Variants in XPO4 observed in about 807,000 individuals in gnomAD.
XPO4 encodes exportin-4.
XPO4 carries 39 observed loss-of-function variants against 143.0 expected under a neutral mutation model. That is an observed-to-expected ratio of 0.27 (90% CI 0.21 to 0.36). The LOEUF (loss-of-function observed/expected upper bound fraction) is 0.36. XPO4 is among the 10% of genes least tolerant of loss of function. The pLI is 1.00. For synonymous variants in XPO4, 439 were observed against 474.0 expected, an observed-to-expected ratio of 0.93 and a Z score of 0.96; for missense variants, 907 against 1,348.0, an observed-to-expected ratio of 0.67 and a Z score of 5.12.
chr13:20,882,389 A>C (rs2060420133), intron 1 of XPO4, among the ~76,000 whole-genome samples: 1 of 152,144 alleles, frequency 6.6e-6, no homozygotes, highest in Admixed American at 6.5e-5. Flanking sequence ...CCAGCATATC[A>C]TATGGCAAGA....
chr13:20,840,231 A>ACAGGGTCTCTTCTGTCGCC (rs1405610874), intron 6 of XPO4, among the ~76,000 whole-genome samples: 2 of 151,730 alleles, frequency 1.3e-5, no homozygotes. Context: ...TTATTTTGAG[A>ACAGGGTCTCTTCTGTCGCC]CAGGGTCTCT....
chr13:20,867,711 C>T (rs1314712042), intron 2 of XPO4, among the ~76,000 whole-genome samples: 1 of 151,024 alleles, frequency 6.6e-6, no homozygotes, highest in Non-Finnish European at 1.5e-5. Flanking sequence ...TGGAAACCAG[C>T]CTATTGGTAG....
At chr13:20,834,718 G>C (rs2059895730) in intron 6 of XPO4, among the ~76,000 whole-genome samples, 1 of 151,828 alleles carries the variant, frequency 6.6e-6, no homozygotes, top group South Asian at 2.1e-4. Flanking sequence ...CAGCACTTTT[G>C]GATGCCAAAG....
intron 9 of XPO4, among the ~76,000 whole-genome samples, chr13:20,813,670 G>A (rs781128029): frequency 6.6e-6 from 1 of 152,182 alleles, no homozygotes; most frequent in South Asian, 2.1e-4. Flanking sequence ...CTTTAGGAGA[G>A]CTCTCAGTCA....
At chr13:20,839,865 C>T (rs2059956054) in intron 6 of XPO4, among the ~76,000 whole-genome samples, 1 of 152,044 alleles carries the variant, frequency 6.6e-6, no homozygotes, top group Admixed American at 6.6e-5. Flanking sequence ...CACCTATAAT[C>T]CCAGCTACTT....
intron 1 of XPO4, among the ~76,000 whole-genome samples, chr13:20,877,502 A>AGTTCTACTGTAGTTC (rs2060364365): frequency 6.6e-6 from 1 of 152,206 alleles, no homozygotes; most frequent in South Asian, 2.1e-4. Flanking sequence ...AGTTCTACTA[A>AGTTCTACTGTAGTTC]TCATCTGGGA....
At chr13:20,857,788 T>A (rs2060159376) in intron 3 of XPO4, 3 of 927,278 alleles carry the variant, frequency 3.2e-6, no homozygotes, top group Non-Finnish European at 3.9e-6. Flanking sequence ...TGCCCAATGC[T>A]GCAGAGTTAA....
chr13:20,823,200 G>C (rs1305899043), intron 7 of XPO4, among the ~76,000 whole-genome samples: 1 of 152,092 alleles, frequency 6.6e-6, no homozygotes, highest in Non-Finnish European at 1.5e-5. Flanking sequence ...CCCACACAAA[G>C]TTCTCTCTCT....
In XPO4 at chr13:20,875,111, C is replaced by T. The variant is rs185030849; in HGVS notation, c.70-6410G>A. Reference sequence around the variant, plus strand: ...AATTAGAAAACGATAGATGTACCAACCAAAAACATAAATACTGGTAGTCTT... The same window carrying T: ...AATTAGAAAACGATAGATGTACCAATCAAAAACATAAATACTGGTAGTCTT... On this transcript the variant is annotated intron_variant, in intron 1 of 22. Coordinates refer to ENST00000255305, the MANE Select transcript of XPO4 (RefSeq NM_022459.5). 3.8e-4 allele frequency among the ~76,000 whole-genome samples: 58 copies of T among 152,198 alleles called. No individual in the cohort carries two copies. In the East Asian group the frequency reaches 9.8e-3, roughly 26 times the overall value.
At chr13:20,819,403 T>C (rs1391861004) in intron 9 of XPO4, among the ~76,000 whole-genome samples, 2 of 152,138 alleles carry the variant, frequency 1.3e-5, no homozygotes, top group Non-Finnish European at 2.9e-5. Context: ...GGCTCACACC[T>C]GTAATCCTAG....
chr13:20,803,675 C>T lies in XPO4; in HGVS notation c.1818-2685G>A, dbSNP rs1369134270. Reference sequence around the variant, plus strand: ...ATTTTTACTCCCACTTTATCAGCCCCACCCACAGCAACCTCCCTGCCTCTC... The same window carrying T: ...ATTTTTACTCCCACTTTATCAGCCCTACCCACAGCAACCTCCCTGCCTCTC... On this transcript the variant is annotated intron_variant, in intron 13 of 22. Coordinates refer to ENST00000255305, the MANE Select transcript of XPO4 (RefSeq NM_022459.5). The surrounding 1 kb of genome is among the most constrained non-coding windows in gnomAD (Gnocchi z 4.1). Among the ~76,000 whole-genome samples, 3 of 152,264 alleles carry T rather than the reference C, an allele frequency of 2.0e-5. No homozygotes were observed. In the East Asian group the frequency reaches 5.8e-4, roughly 29 times the overall value.
chr13:20,828,812 G>C (rs575803741), intron 6 of XPO4, among the ~76,000 whole-genome samples: 1 of 152,186 alleles, frequency 6.6e-6, no homozygotes, highest in African/African-American at 2.4e-5. Flanking sequence ...TGAACCCTAA[G>C]AGCTAACAAT....
intron 1 of XPO4, among the ~76,000 whole-genome samples, chr13:20,890,551 C>T (rs372641253): frequency 2.2e-4 from 34 of 151,998 alleles, no homozygotes; most frequent in South Asian, 1.5e-3. Flanking sequence ...GTAATCCCAG[C>T]GCTTAGGGAG....
intron 1 of XPO4, among the ~76,000 whole-genome samples, chr13:20,873,933 C>G (rs1000157866): frequency 1.3e-5 from 2 of 152,200 alleles, no homozygotes; most frequent in African/African-American, 4.8e-5. Context: ...CATGCATTAT[C>G]TCATTTAATC....
At chr13:20,853,101 G>A (rs1332363611) in intron 4 of XPO4, 2 of 942,646 alleles carry the variant, frequency 2.1e-6, no homozygotes, top group Admixed American at 6.2e-5. Flanking sequence ...GAAGGCTGAG[G>A]CAAGAGATCA....
intron 3 of XPO4, among the ~76,000 whole-genome samples, chr13:20,858,922 G>A (rs1223854152): frequency 2.7e-5 from 4 of 148,720 alleles, no homozygotes; most frequent in Non-Finnish European, 6.0e-5. Context: ...ATGTGTGTGT[G>A]TATATATATA....
chr13:20,834,460 T>C (rs2059891921), intron 6 of XPO4, among the ~76,000 whole-genome samples: 1 of 151,370 alleles, frequency 6.6e-6, no homozygotes, highest in Non-Finnish European at 1.5e-5. Flanking sequence ...TAGTCCCAGT[T>C]ACTCAAGAGG....
At chr13:20,894,039 T>C (rs961850419) in intron 1 of XPO4, among the ~76,000 whole-genome samples, 10 of 151,958 alleles carry the variant, frequency 6.6e-5, no homozygotes, top group African/African-American at 2.2e-4. Context: ...ACAGGGTTTC[T>C]CCATGTTGGT....
chr13:20,858,873 G>GA (rs1276575163), intron 3 of XPO4, among the ~76,000 whole-genome samples: 4 of 145,768 alleles, frequency 2.7e-5, no homozygotes, highest in African/African-American at 7.7e-5. Flanking sequence ...TTCGTCTCAA[G>GA]AAAAAACAAA....
Sources: gnomAD v4.1 joint callset for allele counts (sites outside exome capture counted in the v4.1 genomes callset) on GRCh38, gnomAD v4.1.1 for gene constraint, Gnocchi (gnomAD v3.1) non-coding constraint, MANE v1.5 for transcripts, NCBI Gene and HGNC (gene_info 2026-07-23, HGNC 2026-07-21) for gene names.